The following ARAP2 variants were observed in gnomAD, a reference collection of about 807,000 sequenced individuals.
ARAP2 encodes ArfGAP with RhoGAP domain, ankyrin repeat and PH domain 2.
A neutral mutation model predicts 194.5 loss-of-function variants in ARAP2; 148 were observed. The observed-to-expected ratio is 0.76, with a 90% CI of 0.67 to 0.87. ARAP2 has a LOEUF of 0.87. Among genes scored for constraint, ARAP2 ranks in the 40% least tolerant of loss-of-function variants. The probability of loss-of-function intolerance (pLI) is 0.00; values close to 1 mark genes in which losing one functional copy is unlikely to be tolerated. For missense variants in ARAP2, 2,128 were observed against 1,989.7 expected (o/e 1.07, Z -1.32); for synonymous variants, 695 against 683.5 (o/e 1.02, Z -0.26).
chr4:36,010,791 GAT>G (rs145969839), intron 9 of ARAP2, among the ~76,000 whole-genome samples: 1 of 152,200 alleles, frequency 6.6e-6, no homozygotes, highest in East Asian at 1.9e-4. Context: ...TGACTTGCGG[GAT>G]ATATGGTAAG....
intron 5 of ARAP2, among the ~76,000 whole-genome samples, chr4:36,020,131 C>T (rs904374948): frequency 1.3e-5 from 2 of 152,200 alleles, no homozygotes; most frequent in African/African-American, 4.8e-5. Flanking sequence ...GACAATCAGA[C>T]AGGGTGCGGC....
intron 19 of ARAP2, among the ~76,000 whole-genome samples, chr4:36,140,139 T>TACACACACACACACACACACACACACAC (rs66531233): frequency 7.1e-6 from 1 of 140,384 alleles, no homozygotes; most frequent in Non-Finnish European, 1.6e-5. Context: ...ACAAAAACAA[T>TACACACACACACACACACACACACACAC]ACACACACAC....
intron 31 of ARAP2, among the ~76,000 whole-genome samples, chr4:36,079,728 A>G (rs1051563372): frequency 6.6e-6 from 1 of 152,174 alleles, no homozygotes; most frequent in Non-Finnish European, 1.5e-5. Context: ...AACATCTTGT[A>G]TGGTTTGCTG....
At position 36,151,001 on chromosome 4, in the gene ARAP2, A is replaced by T. The variant is rs765147451; in HGVS notation, c.2796T>A (p.Ser932Arg). 1 of 1,611,192 alleles carries T rather than the reference A, an allele frequency of 6.2e-7. No individual in the cohort carries two copies. Among genetic ancestry groups the T allele is most frequent in the Non-Finnish European group, 8.5e-7 (1 of 1,178,924 alleles). The stretch of plus-strand genomic sequence containing the variant: ...TGGTAGACTTATCATTTTCATAGTA[A>T]CTCAAGAAGCCTCCTTCCAAAACAC... ...KWCVLEGGFLSYYENDKSTTP... is the reference protein window; with the variant it reads ...KWCVLEGGFLRYYENDKSTTP... Residue 932 changes from serine to arginine, a missense_variant, in exon 16 of 33, where the codon AGT (serine) becomes AGA (arginine). By Grantham distance (110) the Ser-to-Arg change is moderately radical. Transcript: ENST00000303965.
intron 2 of ARAP2, among the ~76,000 whole-genome samples, chr4:36,215,404 G>A (rs1038876954): frequency 2.0e-5 from 3 of 152,170 alleles, no homozygotes; most frequent in Non-Finnish European, 4.4e-5. Flanking sequence ...AGAAATGAAT[G>A]TCAACTTTTG....
chr4:36,026,423 T>C (rs1254782317), intron 5 of ARAP2, among the ~76,000 whole-genome samples: 2 of 152,190 alleles, frequency 1.3e-5, no homozygotes, highest in African/African-American at 4.8e-5. Context: ...CTGTGCTGGT[T>C]TTTTGTAGCT....
At chr4:36,006,747 T>A (rs1341842787) in intron 10 of ARAP2, 1 of 152,208 alleles carries the variant, frequency 6.6e-6, no homozygotes, top group East Asian at 1.9e-4. Context: ...GCATTCGTGC[T>A]AAGCAAACAA....
chr4:36,168,370 T>G (rs1370782101), intron 9 of ARAP2, among the ~76,000 whole-genome samples: 1 of 152,170 alleles, frequency 6.6e-6, no homozygotes, highest in Non-Finnish European at 1.5e-5. Flanking sequence ...GCTCTAAGGA[T>G]GCGAAAGTGA....
intron 6 of ARAP2, among the ~76,000 whole-genome samples, chr4:36,203,953 T>C (rs1361947733): frequency 6.6e-6 from 1 of 152,106 alleles, no homozygotes; most frequent in Admixed American, 6.5e-5. Context: ...TAAAAGGATT[T>C]ATTTGTGAAA....
intron 5 of ARAP2, among the ~76,000 whole-genome samples, chr4:36,026,081 A>C (rs568109368): frequency 3.2e-4 from 49 of 152,280 alleles, no homozygotes; most frequent in African/African-American, 1.1e-3. Context: ...ATACTCAAAA[A>C]TTTCTTTCTC....
At chr4:36,216,262 TAAATA>T (rs1474818197) in intron 2 of ARAP2, among the ~76,000 whole-genome samples, 2 of 151,726 alleles carry the variant, frequency 1.3e-5, no homozygotes, top group African/African-American at 4.8e-5. Context: ...TCTCAAAAAA[TAAATA>T]AAATAAACAA....
At chr4:36,133,852 T>C (rs978133599) in intron 19 of ARAP2, among the ~76,000 whole-genome samples, 8 of 151,814 alleles carry the variant, frequency 5.3e-5, no homozygotes, top group African/African-American at 1.2e-4. Context: ...TCTTTCTGAA[T>C]GGCAAAGTTG....
At chr4:36,229,982 T>C (rs1751116281) in intron 1 of ARAP2, among the ~76,000 whole-genome samples, 1 of 152,210 alleles carries the variant, frequency 6.6e-6, no homozygotes, top group Admixed American at 6.5e-5. Flanking sequence ...TCAAGAGCAT[T>C]TGTGGGAAAG....
In ARAP2 at chr4:36,117,110, A is replaced by G. The variant is rs1187534256; in HGVS notation, c.3989T>C (p.Ile1330Thr). ...TTCCTTCCTTTCTACATATACTTCA[A>G]TTAACAAATCTCCAGCCTGGGAAAC... Reference protein sequence around the residue: ...TQVSQAGDLLIEVYVERKEPD... With the variant: ...TQVSQAGDLLTEVYVERKEPD... Residue 1330 changes from isoleucine to threonine, a missense_variant, in exon 25 of 33, where the codon ATT (isoleucine) becomes ACT (threonine). Ile to Thr is a moderately conservative substitution (Grantham distance 89). Transcript: ENST00000303965. The G allele has an allele frequency of 5.6e-6, 9 of 1,600,066 alleles. No homozygotes were observed. Among genetic ancestry groups the G allele is most frequent in the Non-Finnish European group, 7.7e-6 (9 of 1,173,646 alleles).
chr4:36,098,712 T>A (rs551290236), intron 27 of ARAP2, among the ~76,000 whole-genome samples: 1 of 152,212 alleles, frequency 6.6e-6, no homozygotes, highest in African/African-American at 2.4e-5. Context: ...AGAGAAATCC[T>A]GTTTTCTTTG....
chr4:36,176,439 C>T (rs1209100730), intron 9 of ARAP2, among the ~76,000 whole-genome samples: 1 of 152,086 alleles, frequency 6.6e-6, no homozygotes, highest in East Asian at 1.9e-4. Flanking sequence ...TAGAGAATAA[C>T]AGAAACTCAG....
At chr4:36,133,113 G>A (rs1725816988) in intron 20 of ARAP2, 113 bp downstream of exon 20, 6 of 998,736 alleles carry the variant, frequency 6.0e-6, no homozygotes, top group African/African-American at 1.7e-5. Context: ...TTTTCACTAG[G>A]ATACTTACAA....
At chr4:36,242,289 G>A (rs1236260825) in intron 1 of ARAP2, among the ~76,000 whole-genome samples, 2 of 152,294 alleles carry the variant, frequency 1.3e-5, no homozygotes, top group East Asian at 3.8e-4. Flanking sequence ...AATGTAGCAT[G>A]TGCAAAGATT....
At chr4:36,221,833 G>A (rs576860100) in intron 2 of ARAP2, among the ~76,000 whole-genome samples, 2 of 152,070 alleles carry the variant, frequency 1.3e-5, no homozygotes, top group Middle Eastern at 3.4e-3. Context: ...CACTTATTAT[G>A]CCCAAAGCAA....
Sources: allele counts gnomAD v4.1 joint callset (sites outside exome capture counted in the v4.1 genomes callset), GRCh38; gene constraint gnomAD v4.1.1; transcripts MANE v1.5; gene names NCBI Gene and HGNC (gene_info 2026-07-23, HGNC 2026-07-21).